Variants in EPS8L3 observed in about 807,000 individuals in gnomAD.
The protein encoded by EPS8L3 is EPS8 signaling adaptor L3.
In EPS8L3, 80 loss-of-function variants were observed where a neutral mutation model predicts 88.5. The observed-to-expected ratio is 0.90, with a 90% CI of 0.75 to 1.09. The LOEUF (loss-of-function observed/expected upper bound fraction) is 1.09, where lower values mean the gene tolerates loss of function less well. Among genes scored for constraint, EPS8L3 ranks in the 50% least tolerant of loss-of-function variants. The pLI is 0.00. For synonymous variants in EPS8L3, 286 were observed against 291.0 expected, an observed-to-expected ratio of 0.98 and a Z score of 0.18; for missense variants, 721 against 735.2, an observed-to-expected ratio of 0.98 and a Z score of 0.22.
chr1:109,752,240 A>G (rs1284998512), intron 14 of EPS8L3, 47 bp from the exon 15 acceptor site: 10 of 1,553,422 alleles, frequency 6.4e-6, no homozygotes, highest in African/African-American at 4.1e-5. Flanking sequence ...CTCAGAAATT[A>G]AGCCTATGTC....
chr1:109,756,591 C>T (rs1257986195), intron 12 of EPS8L3, among the ~76,000 whole-genome samples: 2 of 152,182 alleles, frequency 1.3e-5, no homozygotes. Flanking sequence ...CAGGGAGTAT[C>T]TCTGTCTCTC....
rs749060245 is a variant in EPS8L3 at position 109,750,718 on chromosome 1, C to G, written c.1712G>C (p.Cys571Ser). Residue 571 changes from cysteine to serine, a missense_variant, in exon 18 of 19, where the codon TGT becomes TCT. Coordinates refer to ENST00000361965, the MANE Select transcript of EPS8L3 (RefSeq NM_133181.4). ...RIRPGELQML[C>S]PQEAPRILSR... is the part of the protein sequence containing the mutation. ...CAGGATTCGTGGGGCCTCCTGTGGA[C>G]ATAGCATCTGTAGCTCCCCAGGTCT... The G allele has an allele frequency of 4.3e-6, 7 of 1,614,094 alleles. No homozygotes were observed. Among genetic ancestry groups the G allele is most frequent in the Non-Finnish European group, 8.5e-7 (1 of 1,180,046 alleles).
rs1570672787 is a variant in EPS8L3, at chr1:109,750,790, G to A, written c.1640C>T (p.Thr547Met). The A allele has an allele frequency of 3.1e-6, 5 of 1,614,152 alleles. No individual in the cohort carries two copies. Among genetic ancestry groups the A allele is most frequent in the Non-Finnish European group, 4.2e-6 (5 of 1,180,008 alleles). ...CGTCAGGGACCCAAGTGTCCTCACC[G>A]TGCTGTGAACAAAACAGCAAAAGCC... is the stretch of plus-strand genomic sequence containing the variant. The part of the protein sequence containing the change: ...WLQAENFSTA[T>M]VRTLGSLTGS... Residue 547 changes from threonine to methionine, a missense_variant and splice_region_variant, in exon 18 of 19, where the codon ACG (threonine) becomes ATG (methionine). By Grantham distance (81) the Thr-to-Met change is moderately conservative (BLOSUM62 -1). Coordinates refer to ENST00000361965, the MANE Select transcript of EPS8L3 (RefSeq NM_133181.4).
rs1316594286 is a variant in EPS8L3 at position 109,752,201 on chromosome 1, A to G, written c.1236-8T>C. ...AACCTATGACTTCCCCGCCTAAGAAACAGAGTCAGGATGGCTGGAGAATGG... is the reference window on the plus strand; with the variant it reads ...AACCTATGACTTCCCCGCCTAAGAAGCAGAGTCAGGATGGCTGGAGAATGG... On this transcript the variant is annotated splice_polypyrimidine_tract_variant and splice_region_variant and intron_variant, in intron 14 of 18. Transcript: ENST00000361965. 1.7e-5 allele frequency: 28 copies of G among 1,608,470 alleles called. No individual in the cohort carries two copies. The highest frequency in any genetic ancestry group is 2.1e-5 in the Non-Finnish European group (25 of 1,176,434).
Position 109,758,315 on chromosome 1 carries a change from C to T in EPS8L3, c.717+1G>A. The T allele has an allele frequency of 6.2e-7, 1 of 1,612,870 alleles. No homozygotes were observed. The highest frequency in any genetic ancestry group is 8.5e-7 in the Non-Finnish European group (1 of 1,179,086). On this transcript the variant is annotated splice_donor_variant, in intron 8 of 18. Coordinates refer to ENST00000361965, the MANE Select transcript of EPS8L3 (RefSeq NM_133181.4). LOFTEE classifies it high-confidence loss of function. The stretch of plus-strand genomic sequence containing the variant: ...GCAAACTCAAGACCATCCGCAGTTA[C>T]CTCGTCCCTCTCTGGGTCCTCGGGG...
At position 109,759,903 on chromosome 1, in the gene EPS8L3, G is replaced by A; in HGVS notation, c.97-67C>T. On this transcript the variant is annotated intron_variant, in intron 3 of 18. Transcript: ENST00000361965. The surrounding 1 kb of genome is among the most constrained non-coding windows in gnomAD (Gnocchi z 4.2). Reference sequence around the variant, plus strand: ...GAGAGGTGGACCACAGGCGTGCTGGGTAGAGAAAAGCAGAAGAGGAAGAAG... The same window carrying A: ...GAGAGGTGGACCACAGGCGTGCTGGATAGAGAAAAGCAGAAGAGGAAGAAG... 6.5e-7 allele frequency: 1 copy of A among 1,538,638 alleles called. No individual in the cohort carries two copies.
Position 109,757,852 on chromosome 1 carries a change from C to A in EPS8L3, c.844G>T (p.Ala282Ser). 6.2e-7 allele frequency: 1 copy of A among 1,614,112 alleles called. No individual in the cohort carries two copies. The highest frequency in any genetic ancestry group is 8.5e-7 in the Non-Finnish European group (1 of 1,179,988). Residue 282 changes from alanine (A) to serine (S), a missense_variant, in exon 10 of 19, where the codon GCA (alanine) becomes TCA (serine). By Grantham distance (99) the Ala-to-Ser change is moderately conservative (BLOSUM62 1). Transcript: ENST00000361965. Reference protein sequence around the residue: ...KNKDQGGLTQAQYIDCFQKIK... With the variant: ...KNKDQGGLTQSQYIDCFQKIK... ...TTCTGGAAGCAGTCAATGTACTGTG[C>A]CTGGGTGAGACCTGGGAGAAGGGGC...
chr1:109,754,912 T>A (rs1318354991), intron 12 of EPS8L3, among the ~76,000 whole-genome samples: 1 of 152,122 alleles, frequency 6.6e-6, no homozygotes, highest in Non-Finnish European at 1.5e-5. Context: ...AGATGGGAGG[T>A]CCAGAACTGA....
intron 13 of EPS8L3, 76 bp from the exon 14 acceptor site, chr1:109,752,796 C>T (rs1393979383): frequency 7.5e-7 from 1 of 1,335,976 alleles, no homozygotes; most frequent in Non-Finnish European, 1.1e-6. Flanking sequence ...GGTATCCGAC[C>T]ACAGGCATAA....
intron 1 of EPS8L3, among the ~76,000 whole-genome samples, chr1:109,762,533 A>G (rs1000385059): frequency 1.3e-5 from 2 of 152,184 alleles, no homozygotes; most frequent in African/African-American, 4.8e-5. Flanking sequence ...ATCTCCAGCA[A>G]CAATAGTCAC....
Position 109,759,137 on chromosome 1 carries a change from C to T in EPS8L3, c.406-20G>A. 1 of 1,599,982 alleles carries T rather than the reference C, an allele frequency of 6.3e-7. No homozygotes were observed. Among genetic ancestry groups the T allele is most frequent in the Non-Finnish European group, 8.5e-7 (1 of 1,176,538 alleles). On this transcript the variant is annotated intron_variant, in intron 5 of 18. Coordinates refer to ENST00000361965, the MANE Select transcript of EPS8L3 (RefSeq NM_133181.4). The surrounding 1 kb of genome is among the most constrained non-coding windows in gnomAD (Gnocchi z 4.2). ...CTCTGCCTGGGAAGCAGCAGTCAGG[C>T]AGGCTAAGTGTGTGTGTGTGTGTGT... is the stretch of plus-strand genomic sequence containing the variant.
intron 9 of EPS8L3, 30 bp downstream of exon 9, chr1:109,757,914 T>G (rs774165742): frequency 6.2e-7 from 1 of 1,613,290 alleles, no homozygotes; most frequent in South Asian, 1.1e-5. Context: ...GAGACACCCC[T>G]ACTCCTCTTC....
At position 109,751,985 on chromosome 1, in the gene EPS8L3, C is replaced by T. The variant is rs1461545802; in HGVS notation, c.1434+10G>A. 6.3e-7 allele frequency: 1 copy of T among 1,595,636 alleles called. No homozygotes were observed. The highest frequency in any genetic ancestry group is 8.5e-7 in the Non-Finnish European group (1 of 1,170,066). ...CCACCTCCTTTTCTAGCCTATGGCC[C>T]AAGCCTCACCTCCAGCTTCTCTCCC... is the stretch of plus-strand genomic sequence containing the variant. On this transcript the variant is annotated intron_variant, in intron 15 of 18. Transcript: ENST00000361965.
chr1:109,758,958 G>A, intron 6 of EPS8L3, 104 bp downstream of exon 6: 1 of 1,249,260 alleles, frequency 8.0e-7, no homozygotes, highest in South Asian at 1.4e-5. Context: ...GGCCCAGGTT[G>A]GTTGGGCCAC....
At chr1:109,754,032 A>C (rs1392898306) in intron 12 of EPS8L3, among the ~76,000 whole-genome samples, 1 of 152,204 alleles carries the variant, frequency 6.6e-6, no homozygotes, top group African/African-American at 2.4e-5. Context: ...CAATGGGAAC[A>C]AAGGAATGAT....
chr1:109,757,369 G>C, intron 11 of EPS8L3, 112 bp downstream of exon 11: 2 of 1,189,834 alleles, frequency 1.7e-6, no homozygotes, highest in South Asian at 1.4e-5. Context: ...AGCTCATCTG[G>C]TTCCACCCTG....
chr1:109,750,539 G>A (rs375270194), intron 18 of EPS8L3, 121 bp downstream of exon 18: 3 of 1,576,284 alleles, frequency 1.9e-6, no homozygotes, highest in South Asian at 1.1e-5. Context: ...CCTGTGCCCA[G>A]CACCCGCCAC....
chr1:109,761,251 C>T (rs954021192), intron 3 of EPS8L3: 9 of 487,592 alleles, frequency 1.8e-5, no homozygotes, highest in African/African-American at 1.3e-4. Flanking sequence ...GGGGACAGGA[C>T]ACTCACCCGC....
At chr1:109,756,988 G>T (rs376125446) in intron 12 of EPS8L3, 29 bp downstream of exon 12, 1 of 1,613,942 alleles carries the variant, frequency 6.2e-7, no homozygotes, top group East Asian at 2.2e-5. Flanking sequence ...CCTCACCCCC[G>T]ATTCAGTTCA....
Sources: allele counts gnomAD v4.1 joint callset (sites outside exome capture counted in the v4.1 genomes callset), GRCh38; gene constraint gnomAD v4.1.1; non-coding constraint Gnocchi (gnomAD v3.1); transcripts MANE v1.5; gene names NCBI Gene and HGNC (gene_info 2026-07-23, HGNC 2026-07-21).